The following MCC variants were observed in gnomAD, a reference collection of about 807,000 sequenced individuals.
MCC encodes MCC regulator of Wnt signaling pathway.
A neutral mutation model predicts 116.2 loss-of-function variants in MCC; 90 were observed. The ratio of observed to expected loss-of-function variants is 0.77; its 90% CI spans 0.65 to 0.92. The LOEUF (loss-of-function observed/expected upper bound fraction) is 0.92. MCC is among the 40% of genes least tolerant of loss of function. The pLI, the probability that MCC is intolerant of heterozygous loss-of-function variation, is 0.00. For synonymous variants in MCC, 578 were observed against 510.5 expected (o/e 1.13, Z -1.78); for missense variants, 1,516 against 1,312.2 (o/e 1.16, Z -2.40).
intron 3 of MCC, among the ~76,000 whole-genome samples, chr5:113,249,388 G>A (rs1363902737): frequency 2.6e-5 from 4 of 152,176 alleles, no homozygotes; most frequent in African/African-American, 9.7e-5. Context: ...CTGAGATGAA[G>A]TCAGAAGAAA....
At chr5:113,134,867 A>C (rs1758711861) in intron 5 of MCC, among the ~76,000 whole-genome samples, 1 of 151,406 alleles carries the variant, frequency 6.6e-6, no homozygotes, top group African/African-American at 2.4e-5. Context: ...AAGCATGGGG[A>C]TCTTTCCACT....
chr5:113,071,195 G>C lies in MCC; in HGVS notation c.1824C>G (p.Thr608=). The C allele has an allele frequency of 6.2e-7, 1 of 1,614,104 alleles. No individual in the cohort carries two copies. Among genetic ancestry groups the C allele is most frequent in the Non-Finnish European group, 8.5e-7 (1 of 1,180,008 alleles). The change falls in exon 12 of 19, where the codon ACC becomes ACG. Residue 608 remains threonine (T), a synonymous_variant. Coordinates refer to ENST00000408903, the MANE Select transcript of MCC (RefSeq NM_001085377.2). The part of the protein sequence containing the change: ...EHLKSQNDLL[T]ITLEECKSNA... ...TGCTTTTACATTCCTCCAAGGTTAT[G>C]GTCAGGAGGTCATTTTGGGATTTGA...
intron 1 of MCC, among the ~76,000 whole-genome samples, chr5:113,460,000 G>A (rs1430127721): frequency 2.0e-5 from 3 of 152,208 alleles, no homozygotes; most frequent in Non-Finnish European, 2.9e-5. Flanking sequence ...ATGACATTCA[G>A]TGAAAGCTGA....
At chr5:113,339,408 A>T (rs1171867611) in intron 3 of MCC, among the ~76,000 whole-genome samples, 1 of 123,586 alleles carries the variant, frequency 8.1e-6, no homozygotes, top group Admixed American at 9.5e-5. Flanking sequence ...AGGCTTCCTT[A>T]GTGTGTGTGT....
rs529552501 is a variant in MCC at position 113,094,391 on chromosome 5, C to T, written c.1398+7348G>A. On this transcript the variant is annotated intron_variant, in intron 8 of 18. Coordinates refer to ENST00000408903, the MANE Select transcript of MCC (RefSeq NM_001085377.2). Reference sequence around the variant, plus strand: ...CCTGGATGTGTTATAAAAATGGTTGCATTGGAAAAGGCCAGCATTTTGGCA... The same window carrying T: ...CCTGGATGTGTTATAAAAATGGTTGTATTGGAAAAGGCCAGCATTTTGGCA... Among the ~76,000 whole-genome samples, 6 of 148,256 alleles carry T rather than the reference C, an allele frequency of 4.0e-5. No individual in the cohort carries two copies. In the South Asian group the frequency reaches 1.3e-3, roughly 32 times the overall value.
At chr5:113,143,825 T>G (rs188948533) in intron 4 of MCC, among the ~76,000 whole-genome samples, 1 of 152,250 alleles carries the variant, frequency 6.6e-6, no homozygotes, top group African/African-American at 2.4e-5. Flanking sequence ...AGTTCCTTTA[T>G]GGCTGTTCAG....
chr5:113,205,628 CTA>C (rs1762883018), intron 3 of MCC, among the ~76,000 whole-genome samples: 1 of 152,202 alleles, frequency 6.6e-6, no homozygotes, highest in African/African-American at 2.4e-5. Context: ...TGTCCAAAGA[CTA>C]TGTTTTAAAA....
At chr5:113,172,561 A>T (rs188743754) in intron 3 of MCC, among the ~76,000 whole-genome samples, 8 of 152,264 alleles carry the variant, frequency 5.3e-5, no homozygotes. Flanking sequence ...CCTCTTACAC[A>T]CTTTGACATA....
At chr5:113,169,226 T>G (rs1407079121) in intron 3 of MCC, among the ~76,000 whole-genome samples, 1 of 151,974 alleles carries the variant, frequency 6.6e-6, no homozygotes, top group African/African-American at 2.4e-5. Flanking sequence ...AAGAGGGAAA[T>G]AGAATGGATA....
intron 18 of MCC, among the ~76,000 whole-genome samples, chr5:113,028,257 A>G (rs1057474): frequency 0.47 from 71,747 of 152,096 alleles, 17,914 homozygotes; most frequent in East Asian, 0.63. Context: ...AATGTTGACT[A>G]CAGAAGCAAA....
Position 113,344,308 on chromosome 5 carries a change from C to T in MCC, c.416-3578G>A, listed in dbSNP as rs116484588. ...TGAGTTTCTCAGCAAGCCTTGCCAC[C>T]GTGGGCTAAAGTGCTCTGGGGTTCT... On this transcript the variant is annotated intron_variant, in intron 2 of 18. Coordinates refer to ENST00000408903, the MANE Select transcript of MCC (RefSeq NM_001085377.2). 8.4e-3 allele frequency among the ~76,000 whole-genome samples: 1,286 copies of T among 152,232 alleles called. 20 individuals are homozygous for T. The highest frequency in any genetic ancestry group is 0.029 in the African/African-American group (1,224 of 41,520).
intron 8 of MCC, among the ~76,000 whole-genome samples, chr5:113,099,759 C>G (rs749836185): frequency 2.6e-5 from 4 of 152,164 alleles, no homozygotes; most frequent in Non-Finnish European, 5.9e-5. Flanking sequence ...GGAGAAAACA[C>G]TGGAAAGTGG....
intron 3 of MCC, among the ~76,000 whole-genome samples, chr5:113,241,310 G>A (rs1452007158): frequency 3.3e-5 from 5 of 152,186 alleles, no homozygotes; most frequent in Admixed American, 6.5e-5. Flanking sequence ...CAAGAGACTA[G>A]GAGGGAAGAT....
intron 3 of MCC, among the ~76,000 whole-genome samples, chr5:113,251,508 T>A (rs1764803564): frequency 6.6e-6 from 1 of 152,076 alleles, no homozygotes; most frequent in Non-Finnish European, 1.5e-5. Flanking sequence ...AACTAAATGA[T>A]TCAGGAGGGC....
chr5:113,353,225 T>C (rs1273142539), intron 2 of MCC, among the ~76,000 whole-genome samples: 1 of 152,164 alleles, frequency 6.6e-6, no homozygotes. Flanking sequence ...TACTGAGTTC[T>C]CGAACAAATG....
chr5:113,104,609 A>G, intron 6 of MCC: 1 of 340,286 alleles, frequency 2.9e-6, no homozygotes. Context: ...CCACATCTTG[A>G]GTTTCTTTAG....
chr5:113,372,565 G>A (rs1456384590), intron 2 of MCC, among the ~76,000 whole-genome samples: 1 of 152,100 alleles, frequency 6.6e-6, no homozygotes, highest in Non-Finnish European at 1.5e-5. Context: ...TGTCTGCAGT[G>A]AATACAGAAT....
chr5:113,318,172 T>G (rs953955339), intron 3 of MCC, among the ~76,000 whole-genome samples: 1 of 152,204 alleles, frequency 6.6e-6, no homozygotes, highest in African/African-American at 2.4e-5. Context: ...CATTCATTTT[T>G]TAAAGCACTG....
intron 5 of MCC, among the ~76,000 whole-genome samples, chr5:113,142,774 A>G (rs1412858890): frequency 6.6e-6 from 1 of 152,238 alleles, no homozygotes; most frequent in African/African-American, 2.4e-5. Context: ...AGCTACATTC[A>G]TAAATCTCTC....
Sources: allele counts gnomAD v4.1 joint callset (sites outside exome capture counted in the v4.1 genomes callset), GRCh38; gene constraint gnomAD v4.1.1; transcripts MANE v1.5; gene names NCBI Gene and HGNC (gene_info 2026-07-23, HGNC 2026-07-21).